The following PRKACA variants were observed in gnomAD, a reference collection of about 807,000 sequenced individuals.
PRKACA encodes the protein cAMP-dependent protein kinase catalytic subunit alpha.
A neutral mutation model predicts 45.8 loss-of-function variants in PRKACA; 9 were observed. The observed-to-expected ratio is 0.20, with a 90% CI of 0.12 to 0.34. The LOEUF (loss-of-function observed/expected upper bound fraction) is 0.34, where lower values mean the gene tolerates loss of function less well. Ranked by LOEUF, PRKACA falls within the 10% of genes least tolerant of loss-of-function variation. The pLI is 1.00. For missense variants in PRKACA, 238 were observed against 458.6 expected (o/e 0.52, Z 4.39); for synonymous variants, 160 against 178.6 (o/e 0.90, Z 0.83).
chr19:14,093,041 A>AGGGCGG lies in PRKACA; in HGVS notation c.*70_*71insCCGCCC. ...CTGGGGCCCTCTGGCTGTTCAATCCAACCCTCCCACCCCCCCGACCAAAAA... is the reference window on the plus strand; with the variant it reads ...CTGGGGCCCTCTGGCTGTTCAATCCAGGGCGGACCCTCCCACCCCCCCGACCAAAAA... On this transcript the variant is annotated 3_prime_UTR_variant, in exon 10 of 10. Coordinates refer to ENST00000308677, the MANE Select transcript of PRKACA (RefSeq NM_002730.4). The AGGGCGG allele has an allele frequency of 2.0e-6, 1 of 500,030 alleles. No homozygotes were observed. The highest frequency in any genetic ancestry group is 3.6e-6 in the Non-Finnish European group (1 of 278,314). The allele number at this position is 500,030 out of a possible 1,614,324, so 31.0% of individuals were successfully genotyped here.
intron 1 of PRKACA, among the ~76,000 whole-genome samples, chr19:14,109,965 A>AAATAT (rs1568537449): frequency 6.3e-4 from 15 of 23,774 alleles, no homozygotes; most frequent in Non-Finnish European, 1.1e-3. Flanking sequence ...AAAAAAAAAA[A>AAATAT]ATATATATAT....
chr19:14,114,132 A>G (rs201840712), intron 1 of PRKACA: 1 of 1,611,012 alleles, frequency 6.2e-7, no homozygotes, highest in East Asian at 2.2e-5. Flanking sequence ...ACTCAGCCTC[A>G]CCATCGCTGG....
At chr19:14,096,353 T>TTG (rs1445496172) in intron 8 of PRKACA, 1 of 146,950 alleles carries the variant, frequency 6.8e-6, no homozygotes, top group Non-Finnish European at 1.5e-5. Context: ...GCCAGTTTGT[T>TTG]TTTTTTTTTT....
At chr19:14,104,393 C>T (rs1332514905) in intron 3 of PRKACA, among the ~76,000 whole-genome samples, 1 of 142,752 alleles carries the variant, frequency 7.0e-6, no homozygotes, top group African/African-American at 2.6e-5. Context: ...AACCCTGTCT[C>T]TACTAAAAAT....
intron 1 of PRKACA, among the ~76,000 whole-genome samples, chr19:14,111,876 A>G (rs1286473230): frequency 1.3e-5 from 2 of 152,174 alleles, no homozygotes; most frequent in Non-Finnish European, 2.9e-5. Flanking sequence ...GAAGGCAGAG[A>G]GGTGCCAGGC....
At chr19:14,094,140 A>G (rs1408784563) in intron 8 of PRKACA, among the ~76,000 whole-genome samples, 1 of 142,134 alleles carries the variant, frequency 7.0e-6, no homozygotes, top group African/African-American at 2.6e-5. Context: ...CTAGGATTAT[A>G]GGCGTGAGCC....
At chr19:14,104,255 T>C (rs1977533742) in intron 3 of PRKACA, among the ~76,000 whole-genome samples, 1 of 142,250 alleles carries the variant, frequency 7.0e-6, no homozygotes, top group Non-Finnish European at 1.5e-5. Flanking sequence ...GAGAATGGCA[T>C]GAACCCGGGA....
In PRKACA at chr19:14,093,253, G is replaced by C; in HGVS notation, c.931-16C>G. ...GAGCTTCCACCTGGAGAGGGATCAA[G>C]AATCACCCAGACCTCAGCATTCAAC... On this transcript the variant is annotated splice_polypyrimidine_tract_variant and intron_variant, in intron 9 of 9. Coordinates refer to ENST00000308677, the MANE Select transcript of PRKACA (RefSeq NM_002730.4). 2 of 1,609,486 alleles carry C rather than the reference G, an allele frequency of 1.2e-6. No homozygotes were observed. The highest frequency in any genetic ancestry group is 1.1e-5 in the South Asian group (1 of 90,560).
intron 1 of PRKACA, among the ~76,000 whole-genome samples, chr19:14,111,569 C>T (rs1966965473): frequency 6.6e-6 from 1 of 152,136 alleles, no homozygotes; most frequent in Admixed American, 6.6e-5. Flanking sequence ...GGGGGTCACA[C>T]CAAATCCAAC....
In PRKACA at chr19:14,100,808, G is replaced by T. The variant is rs1358743287; in HGVS notation, c.419+18C>A. ...GGACACCCTGACAGCCTGATGTGAT[G>T]GGGGGTGGCCCGCTTACCTGAACCT... On this transcript the variant is annotated intron_variant, in intron 5 of 9. Coordinates refer to ENST00000308677, the MANE Select transcript of PRKACA (RefSeq NM_002730.4). The T allele has an allele frequency of 1.2e-6, 2 of 1,611,732 alleles. No homozygotes were observed. The highest frequency in any genetic ancestry group is 2.2e-5 in the East Asian group (1 of 44,844).
At position 14,106,743 on chromosome 19, in the gene PRKACA, A is replaced by G. The variant is rs372823187; in HGVS notation, c.237+17T>C. On this transcript the variant is annotated intron_variant, in intron 3 of 9. Transcript: ENST00000308677. The stretch of plus-strand genomic sequence containing the variant: ...AGGCCTGACAGGCAGGCCCTGAGCG[A>G]GGACAGGCCACCTCACCTTCTGTTT... 2.1e-4 allele frequency: 341 copies of G among 1,613,914 alleles called. No homozygotes were observed. The highest frequency in any genetic ancestry group is 2.7e-4 in the Non-Finnish European group (322 of 1,179,930).
intron 5 of PRKACA, 115 bp from the exon 6 acceptor site, chr19:14,098,005 C>T (rs2145750316): frequency 5.2e-6 from 7 of 1,346,302 alleles, no homozygotes; most frequent in Non-Finnish European, 5.1e-6. Context: ...CCGTCAGAAA[C>T]GCAAGGCACC....
At position 14,093,653 on chromosome 19, in the gene PRKACA, T is replaced by C. The variant is rs1977159908; in HGVS notation, c.905A>G (p.Asp302Gly). The C allele has an allele frequency of 6.2e-7, 1 of 1,614,004 alleles. No individual in the cohort carries two copies. Among genetic ancestry groups the C allele is most frequent in the Non-Finnish European group, 8.5e-7 (1 of 1,179,934 alleles). The change falls in exon 9 of 10, where the codon GAC (aspartate) becomes GGC (glycine). Residue 302 changes from aspartate to glycine, a missense_variant. Physicochemically the swap from Asp to Gly is moderately conservative, Grantham distance 94. This residue lies in a region of PRKACA where 51 missense variants were observed against 68.6 expected (regional missense o/e 0.74). Transcript: ENST00000308677. ...IKNHKWFATT[D>G]WIAIYQRKVE... ...CTTCCTCTGGTAGATGGCAATCCAG[T>C]CAGTTGTGGCAAACCACTTGTGGTT...
At chr19:14,114,302 A>C in intron 1 of PRKACA, 1 of 1,037,606 alleles carries the variant, frequency 9.6e-7, no homozygotes, top group Non-Finnish European at 1.4e-6. Flanking sequence ...GAGAAACCCA[A>C]CCCAGAGGCC....
chr19:14,108,155 CA>C, intron 1 of PRKACA: 1 of 985,512 alleles, frequency 1.0e-6, no homozygotes, highest in Non-Finnish European at 1.2e-6. Flanking sequence ...CACAGCCCAG[CA>C]AAGTGGCTAA....
chr19:14,113,617 C>T (rs1012634961), intron 1 of PRKACA, among the ~76,000 whole-genome samples: 2 of 152,170 alleles, frequency 1.3e-5, no homozygotes, highest in African/African-American at 2.4e-5. Flanking sequence ...TTCCTCCGGA[C>T]AACAATCTCA....
chr19:14,100,918 G>C lies in PRKACA; in HGVS notation c.337-10C>G, dbSNP rs1977423793. 1 of 1,613,530 alleles carries C rather than the reference G, an allele frequency of 6.2e-7. No individual in the cohort carries two copies. The highest frequency in any genetic ancestry group is 1.3e-5 in the African/African-American group (1 of 75,058). On this transcript the variant is annotated splice_polypyrimidine_tract_variant and intron_variant, in intron 4 of 9. Coordinates refer to ENST00000308677, the MANE Select transcript of PRKACA (RefSeq NM_002730.4). The stretch of plus-strand genomic sequence containing the variant: ...ATAAGTTTGAGTTGTCCTGTGGGAA[G>C]CAGTGGCTGGTCAAGGGCCCACCCC...
At chr19:14,114,191 T>G (rs1199177243) in intron 1 of PRKACA, 1 of 1,606,028 alleles carries the variant, frequency 6.2e-7, no homozygotes, top group African/African-American at 1.3e-5. Context: ...GGCACTACGG[T>G]GGCTGGGAAG....
At chr19:14,101,087 G>C in intron 4 of PRKACA, 179 bp from the exon 5 acceptor site, 1 of 602,830 alleles carries the variant, frequency 1.7e-6, no homozygotes, top group Non-Finnish European at 3.0e-6. Flanking sequence ...TGAAAGTGAG[G>C]GCTGGCTCAG....
Sources: gnomAD v4.1 joint callset for allele counts (sites outside exome capture counted in the v4.1 genomes callset) on GRCh38, gnomAD v4.1.1 for gene constraint, gnomAD v4.1.1 regional missense constraint, MANE v1.5 for transcripts, NCBI Gene and HGNC (gene_info 2026-07-23, HGNC 2026-07-21) for gene names.